Variants in TAFA1 observed in about 807,000 individuals in gnomAD.
The protein encoded by TAFA1 is TAFA chemokine like family member 1.
In TAFA1, 4 loss-of-function variants were observed where a neutral mutation model predicts 18.5. The ratio of observed to expected loss-of-function variants is 0.22; its 90% confidence interval spans 0.11 to 0.49. The LOEUF is 0.49. TAFA1 is among the 20% of genes least tolerant of loss of function. The pLI is 0.98. For synonymous variants in TAFA1, 56 were observed against 55.2 expected, an observed-to-expected ratio of 1.01 and a Z score of -0.06; for missense variants, 147 against 169.0, an observed-to-expected ratio of 0.87 and a Z score of 0.72.
chr3:68,104,798 A>AT (rs1195757166), intron 2 of TAFA1, among the ~76,000 whole-genome samples: 2 of 152,134 alleles, frequency 1.3e-5, no homozygotes, highest in African/African-American at 4.8e-5. Flanking sequence ...AGACTGAAAT[A>AT]TTTACTATCT....
rs117674236 is a variant in TAFA1, at chr3:68,514,412, G to A, written c.260-24344G>A. On this transcript the variant is annotated intron_variant, in intron 3 of 4. Transcript: ENST00000478136. Reference sequence around the variant, plus strand: ...GTATATAAATATATATGTGTAGAGAGCCTTCCTTTCATTGTTTGTAACCAT... The same window carrying A: ...GTATATAAATATATATGTGTAGAGAACCTTCCTTTCATTGTTTGTAACCAT... Among the ~76,000 whole-genome samples the A allele has an allele frequency of 8.9e-4, 135 of 152,150 alleles. 1 individual carries two copies. In the East Asian group the frequency reaches 0.024, roughly 27 times the overall value.
At chr3:68,376,388 T>C (rs1301729640) in intron 2 of TAFA1, among the ~76,000 whole-genome samples, 1 of 152,068 alleles carries the variant, frequency 6.6e-6, no homozygotes, top group Admixed American at 6.6e-5. Flanking sequence ...TTAGTTTTCC[T>C]GGTCTTCTCC....
At chr3:68,286,592 C>A (rs1224434290) in intron 2 of TAFA1, among the ~76,000 whole-genome samples, 1 of 151,950 alleles carries the variant, frequency 6.6e-6, no homozygotes, top group Non-Finnish European at 1.5e-5. Context: ...GGAAAAACAC[C>A]CAAGAAAGTT....
chr3:68,028,464 T>C (rs1704863868), intron 2 of TAFA1, among the ~76,000 whole-genome samples: 1 of 152,212 alleles, frequency 6.6e-6, no homozygotes, highest in Admixed American at 6.5e-5. Flanking sequence ...CTATGACTGC[T>C]GTAACAAGTT....
chr3:68,371,852 G>A lies in TAFA1; in HGVS notation c.119-45428G>A, dbSNP rs74425979. Among the ~76,000 whole-genome samples the A allele has an allele frequency of 2.1e-3, 324 of 152,276 alleles. 2 individuals carry two copies. The highest frequency in any genetic ancestry group is 5.8e-3 in the Admixed American group (89 of 15,280). On this transcript the variant is annotated intron_variant, in intron 2 of 4. Transcript: ENST00000478136. ...GGTGAGCACACACTGTTTTTAATTG[G>A]GAATGGTGCTACTGGTCAGTGTCAG...
At chr3:68,495,350 TTC>T (rs1190229678) in intron 3 of TAFA1, among the ~76,000 whole-genome samples, 1 of 152,236 alleles carries the variant, frequency 6.6e-6, no homozygotes, top group Non-Finnish European at 1.5e-5. Context: ...GCAACTTCTT[TTC>T]TCTGTTTTGC....
intron 2 of TAFA1, among the ~76,000 whole-genome samples, chr3:68,237,994 T>C (rs928202226): frequency 4.6e-5 from 7 of 152,084 alleles, no homozygotes; most frequent in Admixed American, 6.5e-5. Context: ...TGTTATTTTT[T>C]TTTTTTTCCT....
chr3:68,099,885 A>C (rs1448978712), intron 2 of TAFA1, among the ~76,000 whole-genome samples: 1 of 152,166 alleles, frequency 6.6e-6, no homozygotes, highest in Non-Finnish European at 1.5e-5. Context: ...CCTTAGCAAA[A>C]TTAACACAGT....
At chr3:68,240,887 C>T (rs1230186388) in intron 2 of TAFA1, among the ~76,000 whole-genome samples, 1 of 152,152 alleles carries the variant, frequency 6.6e-6, no homozygotes, top group Non-Finnish European at 1.5e-5. Context: ...AGACAGAGAG[C>T]AACTTAACCA....
At chr3:68,352,567 T>A (rs2069288437) in intron 2 of TAFA1, among the ~76,000 whole-genome samples, 1 of 152,042 alleles carries the variant, frequency 6.6e-6, no homozygotes. Flanking sequence ...TTATATTCCA[T>A]CTGTCTGTAT....
chr3:68,398,905 C>T (rs2070434745), intron 2 of TAFA1, among the ~76,000 whole-genome samples: 1 of 152,156 alleles, frequency 6.6e-6, no homozygotes, highest in South Asian at 2.1e-4. Context: ...AGTTTATATT[C>T]TAAAAATTGC....
At chr3:68,024,919 C>T (rs1264100446) in intron 2 of TAFA1, among the ~76,000 whole-genome samples, 1 of 151,988 alleles carries the variant, frequency 6.6e-6, no homozygotes, top group Non-Finnish European at 1.5e-5. Flanking sequence ...ACTGTGCTTT[C>T]ACTGGACACT....
At chr3:68,145,038 GT>G in intron 2 of TAFA1, 2 of 1,607,866 alleles carry the variant, frequency 1.2e-6, no homozygotes, top group South Asian at 2.2e-5. Flanking sequence ...AGCGCCTTTA[GT>G]TTCAAAAAGT....
Position 68,027,974 on chromosome 3 carries a change from C to A in TAFA1, c.118+21230C>A, listed in dbSNP as rs559276891. Reference sequence around the variant, plus strand: ...CATATGTAACCTAAGAGATGGAAATCCCAACAAAAATATTTGGAAAGATAG... The same window carrying A: ...CATATGTAACCTAAGAGATGGAAATACCAACAAAAATATTTGGAAAGATAG... On this transcript the variant is annotated intron_variant, in intron 2 of 4. Coordinates refer to ENST00000478136, the MANE Select transcript of TAFA1 (RefSeq NM_213609.4). Among the ~76,000 whole-genome samples the A allele has an allele frequency of 3.9e-5, 6 of 152,126 alleles. No individual in the cohort carries two copies. In the South Asian group the frequency reaches 1.2e-3, roughly 32 times the overall value.
chr3:68,105,035 T>C (rs6548998), intron 2 of TAFA1, among the ~76,000 whole-genome samples: 136,203 of 152,108 alleles, frequency 0.9, 61,258 homozygotes, highest in South Asian at 0.95. Flanking sequence ...CAAAGGGAGA[T>C]CTGATGTATC....
chr3:68,066,162 C>A (rs2064675684), intron 2 of TAFA1, among the ~76,000 whole-genome samples: 1 of 152,012 alleles, frequency 6.6e-6, no homozygotes, highest in Non-Finnish European at 1.5e-5. Flanking sequence ...CAAAATTTAT[C>A]AAATCATACA....
At chr3:68,343,526 G>C (rs1483865390) in intron 2 of TAFA1, among the ~76,000 whole-genome samples, 1 of 152,056 alleles carries the variant, frequency 6.6e-6, no homozygotes, top group Non-Finnish European at 1.5e-5. Flanking sequence ...TAAGTATGGG[G>C]TTCTCAAATT....
chr3:68,038,203 A>G, intron 2 of TAFA1, among the ~76,000 whole-genome samples: 1 of 152,194 alleles, frequency 6.6e-6, no homozygotes, highest in Middle Eastern at 3.2e-3. Flanking sequence ...CATATTTCAG[A>G]ACAATGAGTC....
Position 68,519,843 on chromosome 3 carries a change from T to C in TAFA1, c.260-18913T>C, listed in dbSNP as rs112120586. ...CCAAACACCCTATCTCCTAACACCA[T>C]CATGTTGCAGGTTAGGATTTCAACA... On this transcript the variant is annotated intron_variant, in intron 3 of 4. Transcript: ENST00000478136. Among the ~76,000 whole-genome samples, 8 of 152,292 alleles carry C rather than the reference T, an allele frequency of 5.3e-5. 1 individual carries two copies. The highest frequency in any genetic ancestry group is 1.9e-4 in the African/African-American group (8 of 41,556).
Sources: gnomAD v4.1 joint callset for allele counts (sites outside exome capture counted in the v4.1 genomes callset) on GRCh38, gnomAD v4.1.1 for gene constraint, MANE v1.5 for transcripts, NCBI Gene and HGNC (gene_info 2026-07-23, HGNC 2026-07-21) for gene names.